The following NCOA2 variants were observed in gnomAD, a reference collection of about 807,000 sequenced individuals.
The protein encoded by NCOA2 is class E basic helix-loop-helix protein 75.
A neutral mutation model predicts 145.1 loss-of-function variants in NCOA2; 21 were observed. The ratio of observed to expected loss-of-function variants is 0.14; its 90% CI spans 0.10 to 0.21. The LOEUF (loss-of-function observed/expected upper bound fraction) is 0.21. Ranked by LOEUF, NCOA2 falls within the 10% of genes least tolerant of loss-of-function variation. NCOA2 has a pLI of 1.00. For missense variants in NCOA2, 1,472 were observed against 1,837.6 expected (o/e 0.80, Z 3.64); for synonymous variants, 619 against 637.5 (o/e 0.97, Z 0.44).
intron 13 of NCOA2, among the ~76,000 whole-genome samples, chr8:70,143,476 T>G (rs1275901381): frequency 1.3e-5 from 2 of 152,166 alleles, no homozygotes; most frequent in African/African-American, 4.8e-5. Flanking sequence ...TTATCTTAAA[T>G]TTTAAATTAA....
Position 70,306,722 on chromosome 8 carries a change from T to C in NCOA2, c.-76-9922A>G, listed in dbSNP as rs111278161. Among the ~76,000 whole-genome samples, 643 of 152,046 alleles carry C rather than the reference T, an allele frequency of 4.2e-3. 6 individuals carry two copies. Among genetic ancestry groups the C allele is most frequent in the African/African-American group, 0.015 (614 of 41,470 alleles). On this transcript the variant is annotated intron_variant, in intron 1 of 22. Coordinates refer to ENST00000452400, the MANE Select transcript of NCOA2 (RefSeq NM_006540.4). ...GGCGAAACGTCGTCTCTACAAAAAATACAAAAATTAGCCAGGTGTGGTGGC... is the reference window on the plus strand; with the variant it reads ...GGCGAAACGTCGTCTCTACAAAAAACACAAAAATTAGCCAGGTGTGGTGGC...
At chr8:70,432,622 C>T in the NCOA2 span, among the ~76,000 whole-genome samples, 1 of 152,042 alleles carries the variant, frequency 6.6e-6, no homozygotes, top group African/African-American at 2.4e-5. Flanking sequence ...AGGATTGCAC[C>T]ACTGCACTCC....
At chr8:70,441,788 G>GAAAC in the NCOA2 span, among the ~76,000 whole-genome samples, 1,006 of 13,166 alleles carry the variant, frequency 0.076, 12 homozygotes, top group African/African-American at 0.13. Context: ...AGAAGAGAAA[G>GAAAC]AAAGAAAGAA....
chr8:70,314,508 T>C (rs1380308529), intron 1 of NCOA2, among the ~76,000 whole-genome samples: 1 of 152,142 alleles, frequency 6.6e-6, no homozygotes, highest in Non-Finnish European at 1.5e-5. Context: ...CATGATGTAA[T>C]AAGCCTGTAT....
chr8:70,400,578 T>C (rs1294416448), intron 1 of NCOA2, among the ~76,000 whole-genome samples: 1 of 152,194 alleles, frequency 6.6e-6, no homozygotes, highest in East Asian at 1.9e-4. Context: ...GGGTTTTGAA[T>C]GTTGTCAAAT....
At chr8:70,434,481 C>T in the NCOA2 span, among the ~76,000 whole-genome samples, 2 of 152,196 alleles carry the variant, frequency 1.3e-5, no homozygotes, top group African/African-American at 4.8e-5. Flanking sequence ...AGAAAAAACA[C>T]AGCATGAAGC....
chr8:70,293,531 G>A (rs934710019), intron 2 of NCOA2, among the ~76,000 whole-genome samples: 1 of 152,150 alleles, frequency 6.6e-6, no homozygotes, highest in African/African-American at 2.4e-5. Context: ...CCCCATGTTG[G>A]TATTTAAGAG....
intron 1 of NCOA2, among the ~76,000 whole-genome samples, chr8:70,298,377 C>T (rs1157254037): frequency 3.3e-5 from 5 of 152,100 alleles, no homozygotes; most frequent in African/African-American, 1.2e-4. Flanking sequence ...TGAAATGCAG[C>T]TAGTGTATTA....
At chr8:70,144,001 G>A (rs1391526533) in intron 13 of NCOA2, among the ~76,000 whole-genome samples, 1 of 152,216 alleles carries the variant, frequency 6.6e-6, no homozygotes, top group African/African-American at 2.4e-5. Flanking sequence ...ATATAAGCTT[G>A]GGAATATAAT....
At chr8:70,360,718 A>AC (rs1199747803) in intron 1 of NCOA2, among the ~76,000 whole-genome samples, 4 of 152,136 alleles carry the variant, frequency 2.6e-5, no homozygotes, top group African/African-American at 7.2e-5. Flanking sequence ...TGGGCAGATC[A>AC]CCTGAGGTCA....
At chr8:70,291,166 G>A (rs1181753557) in intron 2 of NCOA2, among the ~76,000 whole-genome samples, 2 of 152,090 alleles carry the variant, frequency 1.3e-5, no homozygotes, top group Non-Finnish European at 2.9e-5. Flanking sequence ...AAACAGATAT[G>A]TATTTTATTA....
intron 2 of NCOA2, among the ~76,000 whole-genome samples, chr8:70,277,396 C>G (rs1825547207): frequency 6.6e-6 from 1 of 152,120 alleles, no homozygotes; most frequent in Non-Finnish European, 1.5e-5. Flanking sequence ...ACTCACAATT[C>G]AGATGAGAAA....
At chr8:70,117,511 T>C (rs1167270449) in intron 22 of NCOA2, among the ~76,000 whole-genome samples, 1 of 152,234 alleles carries the variant, frequency 6.6e-6, no homozygotes, top group African/African-American at 2.4e-5. Flanking sequence ...TCTGTCCACA[T>C]TGTTTATCAA....
intron 2 of NCOA2, among the ~76,000 whole-genome samples, chr8:70,279,774 T>A (rs1158140733): frequency 6.6e-6 from 1 of 152,228 alleles, no homozygotes; most frequent in Non-Finnish European, 1.5e-5. Flanking sequence ...GAGGGGATTG[T>A]TGACTGTTAA....
intron 3 of NCOA2, among the ~76,000 whole-genome samples, chr8:70,216,061 G>A (rs148866532): frequency 2.0e-5 from 3 of 152,128 alleles, no homozygotes; most frequent in South Asian, 2.1e-4. Flanking sequence ...TCATATACAC[G>A]TCATTTTGCA....
chr8:70,235,237 C>T (rs1251634760), intron 2 of NCOA2, among the ~76,000 whole-genome samples: 1 of 152,076 alleles, frequency 6.6e-6, no homozygotes, highest in Non-Finnish European at 1.5e-5. Context: ...GGTACTTAGA[C>T]TGGTCAAATT....
At chr8:70,152,147 T>C (rs1319409808) in intron 11 of NCOA2, among the ~76,000 whole-genome samples, 1 of 152,246 alleles carries the variant, frequency 6.6e-6, no homozygotes, top group East Asian at 1.9e-4. Context: ...GCCACATCAA[T>C]TTGAGTTGTT....
intron 1 of NCOA2, among the ~76,000 whole-genome samples, chr8:70,359,530 T>A (rs1810027296): frequency 6.6e-6 from 1 of 152,152 alleles, no homozygotes. Flanking sequence ...AGAGACAACA[T>A]GCAGATTAGT....
chr8:70,431,233 T>C, the NCOA2 span, among the ~76,000 whole-genome samples: 1 of 152,022 alleles, frequency 6.6e-6, no homozygotes, highest in African/African-American at 2.4e-5. Flanking sequence ...TAATAAATAA[T>C]TTATTTCTAC....
Sources: allele counts gnomAD v4.1 joint callset (sites outside exome capture counted in the v4.1 genomes callset), GRCh38; gene constraint gnomAD v4.1.1; transcripts MANE v1.5; gene names NCBI Gene and HGNC (gene_info 2026-07-23, HGNC 2026-07-21).